Variants in MYOM1 observed in about 807,000 individuals in gnomAD.
MYOM1 encodes the protein myomesin-1.
Under a neutral mutation model 205.3 loss-of-function variants are expected in MYOM1, and 164 were observed. The observed-to-expected ratio is 0.80, with a 90% CI of 0.70 to 0.91. The LOEUF is 0.91. Among genes scored for constraint, MYOM1 ranks in the 40% least tolerant of loss-of-function variants. MYOM1 has a pLI of 0.00. For missense variants in MYOM1, 2,011 were observed against 2,127.3 expected (o/e 0.95, Z 1.08); for synonymous variants, 772 against 789.4 (o/e 0.98, Z 0.37).
Position 3,120,140 on chromosome 18 carries a change from T to C in MYOM1, c.2992-145A>G, listed in dbSNP as rs943074003. The stretch of plus-strand genomic sequence containing the variant: ...GAGTCACACCCCTTTTGTAATCTCC[T>C]GGGTGTGGATGAAACCGTGACCTCC... On this transcript the variant is annotated intron_variant, in intron 19 of 37. Coordinates refer to ENST00000356443, the MANE Select transcript of MYOM1 (RefSeq NM_003803.4). 7.8e-5 allele frequency: 88 copies of C among 1,124,200 alleles called. No individual in the cohort carries two copies. In the African/African-American group the frequency reaches 1.0e-3, roughly 13 times the overall value. 69.6% of individuals were successfully genotyped at this position (1,124,200 alleles called of 1,614,324 possible).
intron 5 of MYOM1, among the ~76,000 whole-genome samples, chr18:3,178,286 T>C (rs983502781): frequency 3.9e-5 from 6 of 152,194 alleles, no homozygotes; most frequent in Non-Finnish European, 2.9e-5. Context: ...TATGAGATAG[T>C]GCTGTTTTTA....
chr18:3,155,941 C>A (rs1487876474), intron 10 of MYOM1, among the ~76,000 whole-genome samples: 1 of 152,152 alleles, frequency 6.6e-6, no homozygotes, highest in African/African-American at 2.4e-5. Flanking sequence ...AACTCCAATG[C>A]AATACTCACA....
chr18:3,068,930 A>AT (rs966120035), intron 37 of MYOM1, among the ~76,000 whole-genome samples: 5 of 151,570 alleles, frequency 3.3e-5, no homozygotes, highest in Non-Finnish European at 7.4e-5. Flanking sequence ...TTTTTTCTTT[A>AT]TTTTTTTTAA....
In MYOM1 at chr18:3,090,666, A is replaced by G. The variant is rs1344727772; in HGVS notation, c.4001T>C (p.Val1334Ala). 5.0e-6 allele frequency: 8 copies of G among 1,613,806 alleles called. No homozygotes were observed. The highest frequency in any genetic ancestry group is 2.7e-5 in the African/African-American group (2 of 74,914). ...KATNHSTVVLVGDVFKKLQKE... is the reference protein window; with the variant it reads ...KATNHSTVVLAGDVFKKLQKE... The stretch of plus-strand genomic sequence containing the variant: ...TTCCACGGAATTCTTACCATCTCCA[A>G]CGAGAACAACAGTAGAATGGTTAGT... The change falls in exon 27 of 38, where the codon GTT (valine) becomes GCT (alanine). Residue 1334 changes from valine (V) to alanine (A), a missense_variant. Physicochemically the swap from Val to Ala is moderately conservative, Grantham distance 64 (BLOSUM62 0). Transcript: ENST00000356443.
At chr18:3,120,016 C>T in intron 19 of MYOM1, 21 bp from the exon 20 acceptor site, 1 of 1,563,882 alleles carries the variant, frequency 6.4e-7, no homozygotes, top group Non-Finnish European at 8.6e-7. Flanking sequence ...GACAACATCA[C>T]AGATACTGAA....
chr18:3,078,973 C>CTTTTTTT (rs11408756), intron 34 of MYOM1, among the ~76,000 whole-genome samples: 1 of 105,892 alleles, frequency 9.4e-6, no homozygotes. Context: ...TACCCAGCTA[C>CTTTTTTT]TTTTTTTTTT....
In MYOM1 at chr18:3,067,483, G is replaced by C. The variant is rs1186386830; in HGVS notation, c.4837C>G (p.Leu1613Val). 1 of 1,613,810 alleles carries C rather than the reference G, an allele frequency of 6.2e-7. No homozygotes were observed. The change falls in exon 38 of 38, where the codon CTG becomes GTG. Residue 1613 changes from leucine (L) to valine (V), a missense_variant. Transcript: ENST00000356443. ...AGGTTGCAGTGGTCGTCTGAGGCCA[G>C]GGCCTTCTCGTTCTTCAACCACGAC... Reference protein sequence around the residue: ...EVSWLKNEKALASDDHCNLKF... With the variant: ...EVSWLKNEKAVASDDHCNLKF...
the MYOM1 span, among the ~76,000 whole-genome samples, chr18:3,242,759 T>C: frequency 1.3e-5 from 2 of 152,210 alleles, no homozygotes; most frequent in African/African-American, 4.8e-5. Flanking sequence ...TCCAGTCACT[T>C]TGGCCTCCCA....
chr18:3,221,549 G>A (rs1411444486), upstream of MYOM1, among the ~76,000 whole-genome samples: 4 of 152,324 alleles, frequency 2.6e-5, no homozygotes, highest in African/African-American at 7.2e-5. Flanking sequence ...ATCACACAGC[G>A]GGTAGATGAC....
chr18:3,082,700 G>A (rs1367189819), intron 33 of MYOM1, among the ~76,000 whole-genome samples: 1 of 152,146 alleles, frequency 6.6e-6, no homozygotes, highest in Non-Finnish European at 1.5e-5. Context: ...ATATTTCAAG[G>A]AAACACAGAG....
chr18:3,091,901 T>G (rs552713943), intron 26 of MYOM1, among the ~76,000 whole-genome samples: 1 of 152,194 alleles, frequency 6.6e-6, no homozygotes, highest in South Asian at 2.1e-4. Flanking sequence ...CCAGCTGATT[T>G]TTGTATTTTT....
At chr18:3,142,811 G>A (rs924625289) in intron 13 of MYOM1, among the ~76,000 whole-genome samples, 3 of 152,280 alleles carry the variant, frequency 2.0e-5, no homozygotes, top group South Asian at 2.1e-4. Context: ...AGATAGGCAG[G>A]AGCCAAGGTC....
Position 3,215,163 on chromosome 18 carries a change from C to T in MYOM1, c.61G>A (p.Asp21Asn). 1 of 1,613,612 alleles carries T rather than the reference C, an allele frequency of 6.2e-7. No individual in the cohort carries two copies. Among genetic ancestry groups the T allele is most frequent in the Non-Finnish European group, 8.5e-7 (1 of 1,179,774 alleles). Residue 21 changes from aspartate to asparagine, a missense_variant, in exon 2 of 38, where the codon GAC becomes AAC. Physicochemically the swap from Asp to Asn is conservative, Grantham distance 23. Transcript: ENST00000356443. ...QHYDLSYRNK[D>N]VRSTVSHYQR... is the part of the protein sequence containing the mutation. ...TAGTGACTCACGGTGCTGCGCACGT[C>T]CTTGTTGCGGTAGCTGAGATCATAG... is the stretch of plus-strand genomic sequence containing the variant.
rs143320622 is a variant in MYOM1, at chr18:3,080,108, A to G, written c.4485-766T>C. Among the ~76,000 whole-genome samples, 43 of 152,304 alleles carry G rather than the reference A, an allele frequency of 2.8e-4. 1 individual carries two copies. The East Asian group carries it at 8.1e-3, about 29-fold the overall frequency. On this transcript the variant is annotated intron_variant, in intron 33 of 37. Coordinates refer to ENST00000356443, the MANE Select transcript of MYOM1 (RefSeq NM_003803.4). ...AATTATGTTAAAAGAAACTTTATGA[A>G]GAAGTTATTAAAACTGAGGAAATGT...
At chr18:3,246,191 CGTGGTGGCAGGCCACCACCCT>C in the MYOM1 span, 1 of 152,370 alleles carries the variant, frequency 6.6e-6, no homozygotes, top group East Asian at 1.9e-4. Flanking sequence ...CTGGTGCTCT[CGTGGTGGCAGGCCACCACCCT>C]GTGGAGGTGT....
chr18:3,115,866 C>T lies in MYOM1; in HGVS notation c.3303+465G>A, dbSNP rs4129036. Among the ~76,000 whole-genome samples, 448 of 152,150 alleles carry T rather than the reference C, an allele frequency of 2.9e-3. 1 individual carries two copies. Among genetic ancestry groups the T allele is most frequent in the African/African-American group, 0.01 (420 of 41,516 alleles). On this transcript the variant is annotated intron_variant, in intron 21 of 37. Transcript: ENST00000356443. The stretch of plus-strand genomic sequence containing the variant: ...AATCTCTGAGAGCTCATGTGAGAAC[C>T]GGCCTGAGGGAGGAGGTAACGTGAG...
At chr18:3,187,354 TA>T in intron 5 of MYOM1, 125 bp downstream of exon 5, 1 of 1,095,340 alleles carries the variant, frequency 9.1e-7, no homozygotes, top group Non-Finnish European at 1.3e-6. Context: ...TTCACTCTTT[TA>T]AAAACCTATA....
chr18:3,094,710 G>A (rs1180192587), intron 25 of MYOM1, among the ~76,000 whole-genome samples: 1 of 151,350 alleles, frequency 6.6e-6, no homozygotes, highest in Non-Finnish European at 1.5e-5. Context: ...TGCCCAGGCT[G>A]GAGTGCAGTG....
chr18:3,159,724 G>A lies in MYOM1; in HGVS notation c.1501+4554C>T, dbSNP rs180856140. ...AAAACATGTAAAGCCAAAGAAGGCC[G>A]ACATAAAAAACCATAGAGATCCAGA... is the stretch of plus-strand genomic sequence containing the variant. On this transcript the variant is annotated intron_variant, in intron 10 of 37. Coordinates refer to ENST00000356443, the MANE Select transcript of MYOM1 (RefSeq NM_003803.4). 3.9e-5 allele frequency among the ~76,000 whole-genome samples: 6 copies of A among 152,188 alleles called. No homozygotes were observed. In the East Asian group the frequency reaches 5.8e-4, roughly 15 times the overall value.
Sources: gnomAD v4.1 joint callset for allele counts (sites outside exome capture counted in the v4.1 genomes callset) on GRCh38, gnomAD v4.1.1 for gene constraint, MANE v1.5 for transcripts, NCBI Gene and HGNC (gene_info 2026-07-23, HGNC 2026-07-21) for gene names.